The following FRMD1 variants were observed in gnomAD, a reference collection of about 807,000 sequenced individuals.
FRMD1 encodes the protein FERM domain-containing protein 1.
FRMD1 carries 51 observed loss-of-function variants against 54.9 expected under a neutral mutation model. The observed-to-expected ratio is 0.93, with a 90% CI of 0.74 to 1.17. FRMD1 has a LOEUF of 1.17. Ranked by LOEUF, FRMD1 falls within the 50% of genes most tolerant of loss-of-function variation. FRMD1 has a pLI of 0.00. For missense variants in FRMD1, 729 were observed against 743.0 expected (o/e 0.98, Z 0.22); for synonymous variants, 324 against 306.4 (o/e 1.06, Z -0.60).
At chr6:168,074,933 G>T (rs12529373) in intron 2 of FRMD1, among the ~76,000 whole-genome samples, 9,915 of 151,820 alleles carry the variant, frequency 0.065, 406 homozygotes, top group East Asian at 0.17. Context: ...AGTGTGAGTG[G>T]TGTGTAACTG....
At chr6:168,062,596 G>T in intron 7 of FRMD1, 1 of 1,422,628 alleles carries the variant, frequency 7.0e-7, no homozygotes, top group Non-Finnish European at 9.6e-7. Context: ...GTGCAGAATT[G>T]TCCAGAAAAT....
intron 2 of FRMD1, among the ~76,000 whole-genome samples, chr6:168,073,491 G>A (rs748545556): frequency 3.3e-5 from 5 of 152,062 alleles, no homozygotes; most frequent in Admixed American, 6.6e-5. Context: ...CTTCCACACC[G>A]CCCAGGGGTC....
rs572571956 is a variant in FRMD1, at chr6:168,067,182, G to A, written c.384+185C>T. 109 of 683,516 alleles carry A rather than the reference G, an allele frequency of 1.6e-4. 1 individual carries two copies. In the South Asian group the frequency reaches 1.6e-3, roughly 10 times the overall value. The allele number at this position is 683,516 out of a possible 1,614,324, so 42.3% of individuals were successfully genotyped here. A position where few individuals can be genotyped will look rare whatever the true frequency, so the allele number is the denominator to read the frequency against. ...TCCAGCACAGTCCACCGCGGTGCCTGCCCTCTCCCACCCCACGCATCCCAC... is the reference window on the plus strand; with the variant it reads ...TCCAGCACAGTCCACCGCGGTGCCTACCCTCTCCCACCCCACGCATCCCAC... On this transcript the variant is annotated intron_variant, in intron 3 of 10. Coordinates refer to ENST00000283309, the MANE Select transcript of FRMD1 (RefSeq NM_024919.6).
In FRMD1 at chr6:168,079,108, G is replaced by C. The variant is rs376343646; in HGVS notation, c.-14C>G. 1.9e-6 allele frequency: 3 copies of C among 1,582,900 alleles called. No homozygotes were observed. Among genetic ancestry groups the C allele is most frequent in the Admixed American group, 3.4e-5 (2 of 58,306 alleles). ...GGGCACCGCCATGCTGTCGTTACTC[G>C]GCCCTCCCCCGCCATGGGTCGCAGG... On this transcript the variant is annotated 5_prime_UTR_variant, in exon 1 of 11. Coordinates refer to ENST00000283309, the MANE Select transcript of FRMD1 (RefSeq NM_024919.6).
chr6:168,067,139 C>G (rs1377736084), intron 3 of FRMD1: 1 of 702,994 alleles, frequency 1.4e-6, no homozygotes, highest in Non-Finnish European at 2.6e-6. Context: ...GCTGCGTGGA[C>G]AGAAGGCAGC....
At chr6:168,061,101 C>T (rs1405095960) in intron 8 of FRMD1, 44 bp from the exon 9 acceptor site, 1 of 1,568,082 alleles carries the variant, frequency 6.4e-7, no homozygotes, top group South Asian at 1.2e-5. Flanking sequence ...TGGAGAGGGA[C>T]CAGCCCTGCT....
rs1257464413 is a variant in FRMD1 at position 168,053,626 on chromosome 6, C to T, written c.*3471G>A. On this transcript the variant is annotated 3_prime_UTR_variant, in exon 11 of 11. Transcript: ENST00000283309. ...ATGAACCCTGAGTGGAAGGGGCCGC[C>T]TGTCCCAAACACGGACGGCTTTTTC... 2.7e-5 allele frequency: 4 copies of T among 147,696 alleles called. No homozygotes were observed. Among genetic ancestry groups the T allele is most frequent in the Non-Finnish European group, 4.5e-5 (3 of 67,010 alleles). 9.1% of individuals were successfully genotyped at this position (147,696 alleles called of 1,614,324 possible).
chr6:168,090,007 T>A (rs1800988517), intron 1 of FRMD1, among the ~76,000 whole-genome samples: 1 of 152,128 alleles, frequency 6.6e-6, no homozygotes, highest in Admixed American at 6.5e-5. Context: ...GGCTGTAGGA[T>A]GCGGGACTCA....
Position 168,057,482 on chromosome 6 carries a change from T to TGGACGGGTCCCCCAGCACACACCTCTGC in FRMD1, c.1408-171_1408-144dup. The TGGACGGGTCCCCCAGCACACACCTCTGC allele has an allele frequency of 3.2e-6, 4 of 1,255,304 alleles. No individual in the cohort carries two copies. The African/African-American group carries it at 4.5e-5, about 14-fold the overall frequency. The allele number at this position is 1,255,304 out of a possible 1,614,324, so 77.8% of individuals were successfully genotyped here. On this transcript the variant is annotated intron_variant, in intron 10 of 10. Coordinates refer to ENST00000283309, the MANE Select transcript of FRMD1 (RefSeq NM_024919.6). The stretch of plus-strand genomic sequence containing the variant: ...CCGCAGTGCATGGCCGGCCTGCCCC[T>TGGACGGGTCCCCCAGCACACACCTCTGC]GGACGGGTCCCCCAGCACACACCTC...
In FRMD1 at chr6:168,074,786, T is replaced by C. The variant is rs1562425729; in HGVS notation, c.304+459A>G. On this transcript the variant is annotated intron_variant, in intron 2 of 10. Transcript: ENST00000283309. ...CATGCATGTGTACATGTGTGACTGG[T>C]GTGTGTGTGCATGTGTGTGGTGTAT... Among the ~76,000 whole-genome samples, 3 of 142,574 alleles carry C rather than the reference T, an allele frequency of 2.1e-5. 1 individual carries two copies. Among genetic ancestry groups the C allele is most frequent in the Non-Finnish European group, 4.6e-5 (3 of 65,638 alleles). 93.5% of individuals were successfully genotyped at this position (142,574 alleles called of 152,430 possible).
chr6:168,061,416 C>G (rs1213342664), intron 8 of FRMD1, among the ~76,000 whole-genome samples: 2 of 151,360 alleles, frequency 1.3e-5, no homozygotes, highest in Non-Finnish European at 2.9e-5. Context: ...AACACTAAGG[C>G]CAGGCCTTGT....
At chr6:168,084,299 G>A (rs1288521955), upstream of FRMD1, among the ~76,000 whole-genome samples, 2 of 152,238 alleles carry the variant, frequency 1.3e-5, no homozygotes, top group African/African-American at 4.8e-5. Context: ...CTCCAGGGCA[G>A]GTGGGGAAGG....
At chr6:168,087,673 A>T (rs531272933) in intron 1 of FRMD1, among the ~76,000 whole-genome samples, 1 of 152,312 alleles carries the variant, frequency 6.6e-6, no homozygotes, top group East Asian at 1.9e-4. Context: ...CGTGTGGAGC[A>T]TGTGAGATGT....
upstream of FRMD1, among the ~76,000 whole-genome samples, chr6:168,083,631 A>C (rs1399774955): frequency 2.6e-5 from 4 of 152,238 alleles, no homozygotes; most frequent in African/African-American, 9.6e-5. Flanking sequence ...GGCACAGAGC[A>C]GACTTGAAAG....
At chr6:168,067,538 A>T in intron 2 of FRMD1, 92 bp from the exon 3 acceptor site, 1 of 778,320 alleles carries the variant, frequency 1.3e-6, no homozygotes, top group Non-Finnish European at 2.2e-6. Flanking sequence ...TGGAGAGAAG[A>T]GATGCACAGC....
intron 9 of FRMD1, among the ~76,000 whole-genome samples, chr6:168,060,556 G>T (rs1799666852): frequency 6.6e-6 from 1 of 152,190 alleles, no homozygotes; most frequent in African/African-American, 2.4e-5. Flanking sequence ...GCAGGCTGCA[G>T]GCAGCTCCTC....
rs1583155711 is a variant in FRMD1 at position 168,054,294 on chromosome 6, G to C, written c.*2803C>G. ...TCTCTGGGTCGTTCTTGCGAGTCTG[G>C]ACCTGCCAGCTTGACCGCTGACCTG... On this transcript the variant is annotated 3_prime_UTR_variant, in exon 11 of 11. Coordinates refer to ENST00000283309, the MANE Select transcript of FRMD1 (RefSeq NM_024919.6). 6.6e-6 allele frequency: 1 copy of C among 152,248 alleles called. No individual in the cohort carries two copies. The highest frequency in any genetic ancestry group is 1.5e-5 in the Non-Finnish European group (1 of 68,084). 9.4% of individuals were successfully genotyped at this position (152,248 alleles called of 1,614,324 possible). A position where few individuals can be genotyped will look rare whatever the true frequency, so the allele number is the denominator to read the frequency against.
At chr6:168,057,444 T>G in intron 10 of FRMD1, 105 bp from the exon 11 acceptor site, 1 of 1,512,420 alleles carries the variant, frequency 6.6e-7, no homozygotes, top group East Asian at 2.3e-5. Flanking sequence ...TCCCTGCCAA[T>G]GCCCACCCTG....
At chr6:168,075,726 A>C in intron 1 of FRMD1, 1 of 1,535,362 alleles carries the variant, frequency 6.5e-7, no homozygotes, top group South Asian at 1.2e-5. Flanking sequence ...GAGCGCGAGC[A>C]TCGGTGTCTC....
Sources: allele counts gnomAD v4.1 joint callset (sites outside exome capture counted in the v4.1 genomes callset), GRCh38; gene constraint gnomAD v4.1.1; transcripts MANE v1.5; gene names NCBI Gene and HGNC (gene_info 2026-07-23, HGNC 2026-07-21).